CLN8: variants seen among roughly 807,000 people sequenced by gnomAD.
CLN8 encodes protein CLN8.
A neutral mutation model predicts 15.7 loss-of-function variants in CLN8; 14 were observed. That is an observed-to-expected ratio of 0.89 (90% CI 0.59 to 1.39). The LOEUF is 1.39. CLN8 is among the 40% of genes most tolerant of loss of function. The probability of loss-of-function intolerance (pLI) is 0.00; values close to 1 mark genes in which losing one functional copy is unlikely to be tolerated. For missense variants in CLN8, 415 were observed against 364.0 expected, an observed-to-expected ratio of 1.14 and a Z score of -1.14; for synonymous variants, 188 against 151.0, an observed-to-expected ratio of 1.25 and a Z score of -1.80.
rs1263009462 is a variant in CLN8 at position 1,786,407 on chromosome 8, C to T, written c.*5840C>T. On this transcript the variant is annotated 3_prime_UTR_variant, in exon 3 of 3. Coordinates refer to ENST00000331222, the MANE Select transcript of CLN8 (RefSeq NM_018941.4). ...TCTTTGCTAACTTTCTTCCTATTTT[C>T]TTCTAATGCGAGAGCTTATTAATTC... 1 of 152,228 alleles carries T rather than the reference C, an allele frequency of 6.6e-6. No individual in the cohort carries two copies. Among genetic ancestry groups the T allele is most frequent in the Non-Finnish European group, 1.5e-5 (1 of 68,034 alleles). 9.4% of individuals were successfully genotyped at this position (152,228 alleles called of 1,614,324 possible).
rs376610687 is a variant in CLN8 at position 1,783,497 on chromosome 8, T to C, written c.*2930T>C. 9.2e-5 allele frequency: 14 copies of C among 152,374 alleles called. No homozygotes were observed. In the East Asian group the frequency reaches 2.1e-3, roughly 23 times the overall value. The allele number at this position is 152,374 out of a possible 1,614,324, so 9.4% of individuals were successfully genotyped here. On this transcript the variant is annotated 3_prime_UTR_variant, in exon 3 of 3. Coordinates refer to ENST00000331222, the MANE Select transcript of CLN8 (RefSeq NM_018941.4). The stretch of plus-strand genomic sequence containing the variant: ...CTTGTCAGTGCGCTTTCTCTTTCGA[T>C]AGTGAAATCCTTCTCTATACCTATG...
rs1312618008 is a variant in CLN8 at position 1,783,481 on chromosome 8, GCGCT to G, written c.*2915_*2918del. On this transcript the variant is annotated 3_prime_UTR_variant, in exon 3 of 3. Transcript: ENST00000331222. ...GGCTTCAGTGTGATCACTTGTCAGTGCGCTTTCTCTTTCGATAGTGAAATCCTTC... is the reference window on the plus strand; with the variant it reads ...GGCTTCAGTGTGATCACTTGTCAGTGTTCTCTTTCGATAGTGAAATCCTTC... 6.6e-6 allele frequency: 1 copy of G among 152,246 alleles called. No homozygotes were observed. Among genetic ancestry groups the G allele is most frequent in the Non-Finnish European group, 1.5e-5 (1 of 68,054 alleles). 9.4% of individuals were successfully genotyped at this position (152,246 alleles called of 1,614,324 possible).
At chr8:1,761,070 A>G (rs1425300104), upstream of CLN8, among the ~76,000 whole-genome samples, 1 of 113,732 alleles carries the variant, frequency 8.8e-6, no homozygotes, top group Admixed American at 1.3e-4. Context: ...CCCAGGCTGG[A>G]GTGCAGTGGC....
chr8:1,768,596 C>T (rs1042721718), intron 1 of CLN8, among the ~76,000 whole-genome samples: 1 of 152,136 alleles, frequency 6.6e-6, no homozygotes, highest in Non-Finnish European at 1.5e-5. Context: ...ACGAGGGGTC[C>T]ATATTTTAAC....
rs1801720274 is a variant in CLN8, at chr8:1,781,886, T to A, written c.*1319T>A. Reference sequence around the variant, plus strand: ...GATGATGAGTCCCAAGGTACATTGTTCTACTGTTTTATACCCAGGTAGAAG... The same window carrying A: ...GATGATGAGTCCCAAGGTACATTGTACTACTGTTTTATACCCAGGTAGAAG... On this transcript the variant is annotated 3_prime_UTR_variant, in exon 3 of 3. Transcript: ENST00000331222. 6.6e-6 allele frequency: 1 copy of A among 152,220 alleles called. No individual in the cohort carries two copies. Among genetic ancestry groups the A allele is most frequent in the African/African-American group, 2.4e-5 (1 of 41,434 alleles). The allele number at this position is 152,220 out of a possible 1,614,324, so 9.4% of individuals were successfully genotyped here. A position where few individuals can be genotyped will look rare whatever the true frequency, so the allele number is the denominator to read the frequency against.
At chr8:1,764,812 G>T (rs1800981810) in intron 1 of CLN8, 1 of 152,184 alleles carries the variant, frequency 6.6e-6, no homozygotes, top group Admixed American at 6.5e-5. Context: ...AGATTCTGCT[G>T]TAAGTGACTC....
In CLN8 at chr8:1,771,180, C is replaced by T. The variant is rs192196274; in HGVS notation, c.126C>T (p.Cys42=). Residue 42 remains cysteine, a synonymous_variant, in exon 2 of 3, where the codon TGC becomes TGT. Coordinates refer to ENST00000331222, the MANE Select transcript of CLN8 (RefSeq NM_018941.4). ...TCTACTTGGGCGTCTTTGTGGTCTGCCACCAGCTGTCCTCTTCCCTGAATG... is the reference window on the plus strand; with the variant it reads ...TCTACTTGGGCGTCTTTGTGGTCTGTCACCAGCTGTCCTCTTCCCTGAATG... ...FVFYLGVFVV[C]HQLSSSLNAT... The T allele has an allele frequency of 5.6e-6, 9 of 1,614,040 alleles. No individual in the cohort carries two copies. The East Asian group carries it at 1.8e-4, about 32-fold the overall frequency.
Position 1,780,710 on chromosome 8 carries a change from G to C in CLN8, c.*143G>C. The C allele has an allele frequency of 1.4e-6, 1 of 738,188 alleles. No individual in the cohort carries two copies. The allele number at this position is 738,188 out of a possible 1,614,324, so 45.7% of individuals were successfully genotyped here. A position where few individuals can be genotyped will look rare whatever the true frequency, so the allele number is the denominator to read the frequency against. ...GAAATACTAACTTTCTTTCGCATTA[G>C]TATTAATTTTGAAGTAGCTACAAAG... On this transcript the variant is annotated 3_prime_UTR_variant, in exon 3 of 3. Coordinates refer to ENST00000331222, the MANE Select transcript of CLN8 (RefSeq NM_018941.4).
rs1389436574 is a variant in CLN8 at position 1,779,502 on chromosome 8, C to T, written c.544-748C>T. 1.1e-4 allele frequency among the ~76,000 whole-genome samples: 16 copies of T among 152,244 alleles called. 1 individual carries two copies. ...TCAAGTGATCTACCCACTTCGGCCTCCCAAAGTGCTGGGATTATAGGCGTG... is the reference window on the plus strand; with the variant it reads ...TCAAGTGATCTACCCACTTCGGCCTTCCAAAGTGCTGGGATTATAGGCGTG... On this transcript the variant is annotated intron_variant, in intron 2 of 2. Transcript: ENST00000331222.
intron 2 of CLN8, among the ~76,000 whole-genome samples, chr8:1,777,442 T>A (rs902817913): frequency 2.6e-5 from 4 of 152,104 alleles, no homozygotes; most frequent in Admixed American, 6.6e-5. Context: ...TATAAAAAAA[T>A]TTCTTTAATC....
Position 1,784,249 on chromosome 8 carries a change from C to T in CLN8, c.*3682C>T, listed in dbSNP as rs1801777123. ...GCAGTGAGCCGAGATCACGCCATTGCACTCCAGCCTGGGTGACACAGTGAG... is the reference window on the plus strand; with the variant it reads ...GCAGTGAGCCGAGATCACGCCATTGTACTCCAGCCTGGGTGACACAGTGAG... On this transcript the variant is annotated 3_prime_UTR_variant, in exon 3 of 3. Coordinates refer to ENST00000331222, the MANE Select transcript of CLN8 (RefSeq NM_018941.4). The T allele has an allele frequency of 6.6e-6, 1 of 152,216 alleles. No individual in the cohort carries two copies. The highest frequency in any genetic ancestry group is 6.6e-5 in the Admixed American group (1 of 15,250). 9.4% of individuals were successfully genotyped at this position (152,216 alleles called of 1,614,324 possible). A position where few individuals can be genotyped will look rare whatever the true frequency, so the allele number is the denominator to read the frequency against.
intron 1 of CLN8, among the ~76,000 whole-genome samples, chr8:1,766,547 G>A (rs1022091643): frequency 5.9e-5 from 9 of 151,902 alleles, no homozygotes; most frequent in Admixed American, 1.3e-4. Flanking sequence ...TCGCCATCAC[G>A]CCTGGCTATT....
At chr8:1,755,474 C>T (rs565883386), upstream of CLN8, among the ~76,000 whole-genome samples, 11 of 152,286 alleles carry the variant, frequency 7.2e-5, no homozygotes, top group South Asian at 2.3e-3. Flanking sequence ...GAAGCCTCTG[C>T]CCACAAGATA....
At chr8:1,778,968 G>A (rs984400869) in intron 2 of CLN8, among the ~76,000 whole-genome samples, 1 of 152,282 alleles carries the variant, frequency 6.6e-6, no homozygotes, top group Admixed American at 6.5e-5. Context: ...CAGAAGACTT[G>A]GATCAGCCTA....
rs191347799 is a variant in CLN8 at position 1,770,874 on chromosome 8, G to A, written c.-123-58G>A. 1,424 of 634,914 alleles carry A rather than the reference G, an allele frequency of 2.2e-3. 20 individuals are homozygous for A. The highest frequency in any genetic ancestry group is 3.5e-4 in the Non-Finnish European group (123 of 353,852). 39.3% of individuals were successfully genotyped at this position (634,914 alleles called of 1,614,324 possible). A position where few individuals can be genotyped will look rare whatever the true frequency, so the allele number is the denominator to read the frequency against. The stretch of plus-strand genomic sequence containing the variant: ...GTAGTTTAATGTTTGCGTTACTGGG[G>A]TAGTGATGTGTCCTTGTTTCTATCG... On this transcript the variant is annotated intron_variant, in intron 1 of 2. Transcript: ENST00000331222.
At chr8:1,765,817 C>T (rs1000032523) in intron 1 of CLN8, among the ~76,000 whole-genome samples, 2 of 152,158 alleles carry the variant, frequency 1.3e-5, no homozygotes, top group Non-Finnish European at 2.9e-5. Flanking sequence ...ATGCGTGACC[C>T]ACAATCAGTG....
intron 2 of CLN8, among the ~76,000 whole-genome samples, chr8:1,774,225 T>G (rs56185410): frequency 2.2e-4 from 34 of 152,318 alleles, no homozygotes; most frequent in African/African-American, 8.2e-4. Flanking sequence ...AGTTTGCACA[T>G]TCTCTAAAGC....
At chr8:1,755,496 C>T (rs573775891), upstream of CLN8, among the ~76,000 whole-genome samples, 70 of 152,332 alleles carry the variant, frequency 4.6e-4, no homozygotes, top group South Asian at 3.3e-3. Context: ...AAGTGCCTCC[C>T]CCCGTTCTAC....
upstream of CLN8, among the ~76,000 whole-genome samples, chr8:1,760,826 C>T (rs1315545171): frequency 6.6e-6 from 1 of 152,000 alleles, no homozygotes; most frequent in Non-Finnish European, 1.5e-5. Flanking sequence ...AGTGGGGAGC[C>T]CGCGGAAAGC....
Sources: gnomAD v4.1 joint callset for allele counts (sites outside exome capture counted in the v4.1 genomes callset) on GRCh38, gnomAD v4.1.1 for gene constraint, MANE v1.5 for transcripts, NCBI Gene and HGNC (gene_info 2026-07-23, HGNC 2026-07-21) for gene names.